The following OLFM3 variants were observed in gnomAD, a reference collection of about 807,000 sequenced individuals.
OLFM3 encodes the protein noelin-3.
Under a neutral mutation model 48.6 loss-of-function variants are expected in OLFM3, and 20 were observed. The ratio of observed to expected loss-of-function variants is 0.41; its 90% CI spans 0.29 to 0.60. OLFM3 has a LOEUF of 0.60. Ranked by LOEUF, OLFM3 falls within the 20% of genes least tolerant of loss-of-function variation. The pLI, the probability that OLFM3 is intolerant of heterozygous loss-of-function variation, is 0.28. For synonymous variants in OLFM3, 222 were observed against 198.1 expected (o/e 1.12, Z -1.01); for missense variants, 437 against 544.3 (o/e 0.80, Z 1.96).
chr1:101,912,483 C>A (rs1352498835), intron 1 of OLFM3, among the ~76,000 whole-genome samples: 1 of 152,118 alleles, frequency 6.6e-6, no homozygotes, highest in Admixed American at 6.6e-5. Context: ...TTTAAAATGA[C>A]AAAACTGAAG....
chr1:101,958,436 C>A (rs1011358231), intron 1 of OLFM3, among the ~76,000 whole-genome samples: 20 of 151,984 alleles, frequency 1.3e-4, no homozygotes, highest in Admixed American at 1.2e-3. Flanking sequence ...TAATGCTATT[C>A]CCAATTCATA....
At chr1:101,906,227 A>G (rs1658546161) in intron 1 of OLFM3, among the ~76,000 whole-genome samples, 1 of 151,860 alleles carries the variant, frequency 6.6e-6, no homozygotes, top group Non-Finnish European at 1.5e-5. Context: ...CTGATTTCTT[A>G]TATCATCACT....
chr1:101,935,419 A>G (rs756983933), intron 1 of OLFM3, among the ~76,000 whole-genome samples: 2 of 152,142 alleles, frequency 1.3e-5, no homozygotes, highest in Non-Finnish European at 2.9e-5. Flanking sequence ...CCCAAGATTG[A>G]ATCAGGAAGA....
intron 1 of OLFM3, among the ~76,000 whole-genome samples, chr1:101,959,833 G>A (rs917550857): frequency 1.3e-5 from 2 of 151,988 alleles, no homozygotes; most frequent in African/African-American, 2.4e-5. Context: ...ACAAGAAAGT[G>A]GCATACATAA....
intron 1 of OLFM3, among the ~76,000 whole-genome samples, chr1:101,880,666 A>G (rs1657488983): frequency 6.6e-6 from 1 of 151,806 alleles, no homozygotes; most frequent in Non-Finnish European, 1.5e-5. Flanking sequence ...ATTTTGAAAT[A>G]TTAAGGTCTT....
chr1:101,911,374 C>A (rs1016728176), intron 1 of OLFM3, among the ~76,000 whole-genome samples: 1 of 151,842 alleles, frequency 6.6e-6, no homozygotes, highest in Non-Finnish European at 1.5e-5. Flanking sequence ...GAGTTGAGGC[C>A]CCATTGCAAA....
At chr1:101,869,949 C>T (rs537329966) in intron 1 of OLFM3, among the ~76,000 whole-genome samples, 1 of 152,270 alleles carries the variant, frequency 6.6e-6, no homozygotes, top group South Asian at 2.1e-4. Context: ...CTAAATTACC[C>T]AGTCTCGAGC....
At chr1:101,861,069 T>C (rs1656632404) in intron 1 of OLFM3, among the ~76,000 whole-genome samples, 1 of 151,952 alleles carries the variant, frequency 6.6e-6, no homozygotes, top group East Asian at 1.9e-4. Context: ...GATTTGATTA[T>C]ATTTTTTTTT....
chr1:101,840,173 T>G (rs532788845), intron 1 of OLFM3, among the ~76,000 whole-genome samples: 1 of 152,356 alleles, frequency 6.6e-6, no homozygotes, highest in South Asian at 2.1e-4. Flanking sequence ...TGCTCCAATT[T>G]TAACATATAA....
chr1:101,859,428 A>G (rs992854900), intron 1 of OLFM3, among the ~76,000 whole-genome samples: 2 of 152,118 alleles, frequency 1.3e-5, no homozygotes, highest in African/African-American at 2.4e-5. Flanking sequence ...GGCTAGGCAC[A>G]TTACACAGGA....
chr1:101,934,687 C>T (rs781081677), intron 1 of OLFM3, among the ~76,000 whole-genome samples: 19 of 151,966 alleles, frequency 1.3e-4, no homozygotes, highest in Non-Finnish European at 2.5e-4. Flanking sequence ...CTGCACATAG[C>T]ATATATTCTA....
At chr1:101,915,364 TAA>T (rs5776610) in intron 1 of OLFM3, among the ~76,000 whole-genome samples, 1 of 148,876 alleles carries the variant, frequency 6.7e-6, no homozygotes, top group East Asian at 1.9e-4. Context: ...TTTAATCTGT[TAA>T]AAAAAAAAGC....
intron 1 of OLFM3, among the ~76,000 whole-genome samples, chr1:101,955,443 G>A (rs1052111031): frequency 2.0e-5 from 3 of 151,824 alleles, no homozygotes; most frequent in South Asian, 2.1e-4. Flanking sequence ...AAACTTTAGC[G>A]TTTTAAACAC....
At chr1:101,906,887 C>A (rs899921168) in intron 1 of OLFM3, among the ~76,000 whole-genome samples, 2 of 152,176 alleles carry the variant, frequency 1.3e-5, no homozygotes, top group Non-Finnish European at 2.9e-5. Flanking sequence ...CACACATACA[C>A]AAACATGCAT....
chr1:101,909,810 T>C lies in OLFM3; in HGVS notation c.70-72785A>G, dbSNP rs550075296. 2.4e-4 allele frequency among the ~76,000 whole-genome samples: 36 copies of C among 152,310 alleles called. No homozygotes were observed. In the South Asian group the frequency reaches 3.5e-3, roughly 15 times the overall value. On this transcript the variant is annotated intron_variant, in intron 1 of 5. Transcript: ENST00000370103. ...CTGGCAGGTTTATTTATTTATTTTC[T>C]GAAATAATTGCTTTTGGGGACATTA...
intron 1 of OLFM3, among the ~76,000 whole-genome samples, chr1:101,923,903 A>G (rs1026938426): frequency 6.6e-5 from 10 of 152,148 alleles, no homozygotes; most frequent in African/African-American, 2.4e-4. Context: ...TTCTCCACTT[A>G]GAAATATAAC....
chr1:101,881,501 G>C (rs911056544), intron 1 of OLFM3, among the ~76,000 whole-genome samples: 29 of 151,916 alleles, frequency 1.9e-4, no homozygotes, highest in African/African-American at 7.0e-4. Flanking sequence ...AGAAACATTT[G>C]CCTGCCGTAT....
chr1:101,980,297 G>T (rs1462582930), intron 1 of OLFM3, among the ~76,000 whole-genome samples: 1 of 152,052 alleles, frequency 6.6e-6, no homozygotes, highest in Admixed American at 6.6e-5. Context: ...TTTGGGAGGG[G>T]CCGGGGTGGA....
chr1:101,947,235 A>G (rs904747840), intron 1 of OLFM3, among the ~76,000 whole-genome samples: 1 of 152,206 alleles, frequency 6.6e-6, no homozygotes, highest in Admixed American at 6.5e-5. Flanking sequence ...TGTTGCAAAA[A>G]TATAATTTTA....
Sources: gnomAD v4.1 joint callset for allele counts (sites outside exome capture counted in the v4.1 genomes callset) on GRCh38, gnomAD v4.1.1 for gene constraint, MANE v1.5 for transcripts, NCBI Gene and HGNC (gene_info 2026-07-23, HGNC 2026-07-21) for gene names.